The following MMP16 variants were observed in gnomAD, a reference collection of about 807,000 sequenced individuals.
MMP16 encodes matrix metalloproteinase-16.
A neutral mutation model predicts 67.8 loss-of-function variants in MMP16; 12 were observed. The ratio of observed to expected loss-of-function variants is 0.18; its 90% CI spans 0.11 to 0.29. MMP16 has a LOEUF of 0.29. Among genes scored for constraint, MMP16 ranks in the 10% least tolerant of loss-of-function variants. The pLI, the probability that MMP16 is intolerant of heterozygous loss-of-function variation, is 1.00. For missense variants in MMP16, 475 were observed against 765.7 expected (o/e 0.62, Z 4.48); for synonymous variants, 249 against 255.9 (o/e 0.97, Z 0.26).
At chr8:88,137,972 C>A (rs1490037957) in intron 4 of MMP16, among the ~76,000 whole-genome samples, 1 of 151,908 alleles carries the variant, frequency 6.6e-6, no homozygotes, top group Non-Finnish European at 1.5e-5. Flanking sequence ...TCTATTTGAT[C>A]CTTTGCAATA....
chr8:88,239,128 T>G (rs1809992794), intron 1 of MMP16, among the ~76,000 whole-genome samples: 1 of 151,774 alleles, frequency 6.6e-6, no homozygotes, highest in Admixed American at 6.6e-5. Context: ...CCTTTCCCTG[T>G]GTTCCCCAAA....
At chr8:88,079,707 A>C (rs2118302968) in intron 6 of MMP16, among the ~76,000 whole-genome samples, 1 of 152,262 alleles carries the variant, frequency 6.6e-6, no homozygotes, top group South Asian at 2.1e-4. Context: ...GCCCCAAAGT[A>C]TTAGGAGGTG....
intron 6 of MMP16, among the ~76,000 whole-genome samples, chr8:88,099,744 C>A (rs1332972070): frequency 6.6e-6 from 1 of 151,952 alleles, no homozygotes; most frequent in East Asian, 2.0e-4. Flanking sequence ...GTTAAAGTAT[C>A]TCTTCCTCAG....
intron 1 of MMP16, among the ~76,000 whole-genome samples, chr8:88,286,580 ATT>A (rs34642278): frequency 9.4e-5 from 14 of 149,000 alleles, no homozygotes; most frequent in Admixed American, 2.0e-4. Flanking sequence ...CTGGAACTCA[ATT>A]TTTTTTTTTT....
intron 1 of MMP16, among the ~76,000 whole-genome samples, chr8:88,222,283 T>C (rs553700992): frequency 2.0e-5 from 3 of 152,066 alleles, no homozygotes; most frequent in African/African-American, 7.2e-5. Context: ...TAGAAAATAT[T>C]TTACCAGGCA....
At chr8:88,306,350 G>C (rs772561314) in intron 1 of MMP16, among the ~76,000 whole-genome samples, 11 of 152,074 alleles carry the variant, frequency 7.2e-5, no homozygotes, top group Non-Finnish European at 1.0e-4. Context: ...GATTCTACCA[G>C]AGATACAAAG....
chr8:88,196,105 A>G (rs1809244701), intron 2 of MMP16, among the ~76,000 whole-genome samples: 1 of 152,216 alleles, frequency 6.6e-6, no homozygotes, highest in Non-Finnish European at 1.5e-5. Context: ...ATCAAATGTC[A>G]AAAGACGGAT....
chr8:88,268,210 C>T (rs886736169), intron 1 of MMP16, among the ~76,000 whole-genome samples: 22 of 152,012 alleles, frequency 1.4e-4, no homozygotes, highest in Admixed American at 3.9e-4. Context: ...GGCGTGGTGG[C>T]GCATGCCTCT....
intron 1 of MMP16, among the ~76,000 whole-genome samples, chr8:88,230,809 T>C (rs1809847544): frequency 2.0e-5 from 3 of 152,214 alleles, no homozygotes; most frequent in Middle Eastern, 6.8e-3. Flanking sequence ...GTTTTTCTTA[T>C]TCATGAATTT....
intron 2 of MMP16, 108 bp downstream of exon 2, chr8:88,197,050 T>G: frequency 1.9e-5 from 20 of 1,033,306 alleles, no homozygotes; most frequent in Middle Eastern, 3.0e-4. Flanking sequence ...AGAAAGTTCA[T>G]GAGACAAATT....
intron 4 of MMP16, among the ~76,000 whole-genome samples, chr8:88,129,057 G>A (rs1295336417): frequency 1.3e-5 from 2 of 151,748 alleles, no homozygotes; most frequent in Non-Finnish European, 2.9e-5. Context: ...TGTTACAGAT[G>A]TTATAGTTGT....
chr8:88,299,702 G>C (rs1254982508), intron 1 of MMP16, among the ~76,000 whole-genome samples: 1 of 151,964 alleles, frequency 6.6e-6, no homozygotes, highest in Non-Finnish European at 1.5e-5. Flanking sequence ...GATAAGACTT[G>C]GGGAAAAAAC....
intron 4 of MMP16, among the ~76,000 whole-genome samples, chr8:88,146,396 C>T (rs1198236566): frequency 2.0e-5 from 3 of 151,944 alleles, no homozygotes; most frequent in African/African-American, 7.2e-5. Context: ...TACTCTTCTA[C>T]CTCCCTCAAA....
intron 6 of MMP16, among the ~76,000 whole-genome samples, chr8:88,086,752 C>T (rs1586143557): frequency 6.6e-6 from 1 of 151,886 alleles, no homozygotes; most frequent in African/African-American, 2.4e-5. Context: ...TTTTTCACCA[C>T]CCAAGCTAAA....
At chr8:88,280,464 C>T (rs909709900) in intron 1 of MMP16, among the ~76,000 whole-genome samples, 6 of 152,128 alleles carry the variant, frequency 3.9e-5, no homozygotes, top group East Asian at 1.9e-4. Flanking sequence ...ATACCATCTC[C>T]ATGTTTTTGA....
chr8:88,324,663 T>C (rs1416377002), intron 1 of MMP16, among the ~76,000 whole-genome samples: 5 of 152,100 alleles, frequency 3.3e-5, no homozygotes, highest in Non-Finnish European at 7.4e-5. Flanking sequence ...TCCCAGTGTG[T>C]ATGTTTTGCA....
Position 88,041,622 on chromosome 8 carries a change from G to C in MMP16, c.1663C>G (p.Leu555Val). Residue 555 changes from leucine to valine, a missense_variant, in exon 10 of 10, where the codon CTG (leucine) becomes GTG (valine). This residue lies in a region of MMP16 where 80 missense variants were observed against 93.4 expected (regional missense o/e 0.86). Coordinates refer to ENST00000286614, the MANE Select transcript of MMP16 (RefSeq NM_005941.5). This position sits in a 1 kb window ranked among gnomAD's most constrained non-coding sequence, Gnocchi z 6.0. The stretch of plus-strand genomic sequence containing the variant: ...TTCACAGTGCTGGCTGTGTTGTCCA[G>C]TTTGATGACAATGTCTACATCATCT... ...PPDDVDIVIK[L>V]DNTASTVKAI... is the part of the protein sequence containing the mutation. 6.2e-7 allele frequency: 1 copy of C among 1,614,120 alleles called. No individual in the cohort carries two copies. The highest frequency in any genetic ancestry group is 8.5e-7 in the Non-Finnish European group (1 of 1,180,002).
intron 1 of MMP16, among the ~76,000 whole-genome samples, chr8:88,292,012 T>G (rs1209846727): frequency 1.3e-5 from 2 of 152,142 alleles, no homozygotes; most frequent in Non-Finnish European, 1.5e-5. Flanking sequence ...GTAACTAGTA[T>G]TTTGAGGAGA....
chr8:88,166,726 TA>T (rs1808719960), intron 4 of MMP16, among the ~76,000 whole-genome samples: 4 of 132,218 alleles, frequency 3.0e-5, no homozygotes, highest in African/African-American at 8.4e-5. Flanking sequence ...TATATATATA[TA>T]TATTCTTAAT....
Sources: allele counts gnomAD v4.1 joint callset (sites outside exome capture counted in the v4.1 genomes callset), GRCh38; gene constraint gnomAD v4.1.1; regional missense constraint gnomAD v4.1.1; non-coding constraint Gnocchi (gnomAD v3.1); transcripts MANE v1.5; gene names NCBI Gene and HGNC (gene_info 2026-07-23, HGNC 2026-07-21).